ATP11C: variants seen among roughly 807,000 people sequenced by gnomAD.
The protein encoded by ATP11C is ATPase phospholipid transporting 11C (ATP11C blood group).
In ATP11C, 36 loss-of-function variants were observed where a neutral mutation model predicts 97.4. The ratio of observed to expected loss-of-function variants is 0.37; its 90% CI spans 0.28 to 0.49. The LOEUF is 0.49. Among genes scored for constraint, ATP11C ranks in the 20% least tolerant of loss-of-function variants. ATP11C has a pLI of 0.98. For missense variants in ATP11C, 730 were observed against 824.6 expected (o/e 0.89, Z 1.40); for synonymous variants, 275 against 290.9 (o/e 0.95, Z 0.56).
At chrX:139,735,926 T>C (rs746234078) in intron 28 of ATP11C, among the ~76,000 whole-genome samples, 1 of 111,825 alleles carries the variant, frequency 8.9e-6, no homozygotes, top group Admixed American at 9.5e-5. Context: ...AAATGTTTAT[T>C]GGTTCAACAA....
chrX:139,789,643 G>A (rs1327522152), intron 12 of ATP11C, among the ~76,000 whole-genome samples, 155 bp from the exon 13 acceptor site: 6 of 112,142 alleles, frequency 5.4e-5, no homozygotes, highest in African/African-American at 1.9e-4. Context: ...TATTACCAAA[G>A]AAATGAGGAA....
rs1277897736 is a variant in ATP11C at position 139,855,876 on chromosome X, C to G, written c.28-29053G>C. ...CCAGTGTCAACCAGGAGGCTTGCCC[C>G]CCGATGTAGACCTTTATATCGTAGT... On this transcript the variant is annotated intron_variant, in intron 1 of 29. Transcript: ENST00000682941. 4.5e-5 allele frequency among the ~76,000 whole-genome samples: 5 copies of G among 111,609 alleles called. No individual in the cohort carries two copies. The East Asian group carries it at 1.4e-3, about 32-fold the overall frequency.
chrX:139,832,175 T>G (rs775797749), intron 1 of ATP11C: 1 of 1,207,512 alleles, frequency 8.3e-7, no homozygotes, highest in East Asian at 3.0e-5. Flanking sequence ...GAGGGAGAGA[T>G]GGGACCATCT....
intron 28 of ATP11C, among the ~76,000 whole-genome samples, chrX:139,736,259 G>T (rs369235921): frequency 2.7e-5 from 3 of 111,886 alleles, no homozygotes; most frequent in East Asian, 5.6e-4. Flanking sequence ...GTCACCTCCA[G>T]CCAATGTCTA....
At chrX:139,799,784 T>G (rs1267998499) in intron 8 of ATP11C, among the ~76,000 whole-genome samples, 4 of 106,464 alleles carry the variant, frequency 3.8e-5, no homozygotes, top group Non-Finnish European at 5.8e-5. Context: ...TCCTGAGTAG[T>G]TGGGATTACA....
intron 19 of ATP11C, among the ~76,000 whole-genome samples, chrX:139,771,393 C>T (rs746165324): frequency 2.7e-5 from 3 of 111,363 alleles, no homozygotes; most frequent in East Asian, 2.8e-4. Flanking sequence ...AGCATGAAAA[C>T]GGACTAATAC....
At chrX:139,767,444 A>G (rs1299867544) in intron 20 of ATP11C, among the ~76,000 whole-genome samples, 1 of 111,776 alleles carries the variant, frequency 8.9e-6, no homozygotes, top group East Asian at 2.8e-4. Flanking sequence ...ATAGGGAGCA[A>G]GAGAAAAGTG....
chrX:139,847,932 G>A (rs2083934381), intron 1 of ATP11C, among the ~76,000 whole-genome samples: 1 of 110,613 alleles, frequency 9.0e-6, no homozygotes, highest in Non-Finnish European at 1.9e-5. Context: ...CCATACTCAT[G>A]GCATCATTCC....
At chrX:139,828,377 G>A (rs1325953519) in intron 1 of ATP11C, among the ~76,000 whole-genome samples, 1 of 111,853 alleles carries the variant, frequency 8.9e-6, no homozygotes, top group East Asian at 2.8e-4. Flanking sequence ...TACAGGTTCT[G>A]ACACAGCTTA....
At chrX:139,785,356 C>A in intron 15 of ATP11C, 57 bp from the exon 16 acceptor site, 2 of 858,458 alleles carry the variant, frequency 2.3e-6, no homozygotes, top group Non-Finnish European at 3.4e-6. Context: ...AAATAAAGCA[C>A]AACAGAAATA....
intron 19 of ATP11C, among the ~76,000 whole-genome samples, chrX:139,773,361 G>T (rs906249389): frequency 5.7e-4 from 63 of 111,169 alleles, no homozygotes; most frequent in African/African-American, 1.4e-3. Flanking sequence ...CCTCCATGAT[G>T]GGATTACTGC....
At chrX:139,935,552 CAA>C (rs2085512548), upstream of ATP11C, among the ~76,000 whole-genome samples, 2 of 110,912 alleles carry the variant, frequency 1.8e-5, no homozygotes, top group Non-Finnish European at 3.8e-5. Context: ...GCCTGGGTGA[CAA>C]GAGCAAAACT....
intron 18 of ATP11C, among the ~76,000 whole-genome samples, 194 bp downstream of exon 18, chrX:139,782,353 T>TA (rs1000926912): frequency 3.5e-4 from 38 of 108,604 alleles, no homozygotes; most frequent in Non-Finnish European, 7.1e-4. Context: ...ATTAAAAAAT[T>TA]AAAAAAAAAT....
intron 1 of ATP11C, among the ~76,000 whole-genome samples, chrX:139,917,096 T>A (rs1164962181): frequency 1.8e-5 from 2 of 111,657 alleles, no homozygotes; most frequent in Non-Finnish European, 3.8e-5. Flanking sequence ...CCAGGAAAAC[T>A]GGACATCAAC....
At chrX:139,860,243 G>C (rs1329556511) in intron 1 of ATP11C, among the ~76,000 whole-genome samples, 1 of 111,349 alleles carries the variant, frequency 9.0e-6, no homozygotes, top group African/African-American at 3.3e-5. Context: ...TATAGGTAGA[G>C]AGATGCAGCA....
At chrX:139,790,836 T>C (rs1011107455) in intron 12 of ATP11C, among the ~76,000 whole-genome samples, 34 of 111,836 alleles carry the variant, frequency 3.0e-4, no homozygotes, top group South Asian at 3.7e-4. Flanking sequence ...ATAACACAAG[T>C]ATATTTTCAT....
chrX:139,873,519 C>A (rs1275448470), intron 1 of ATP11C, among the ~76,000 whole-genome samples: 1 of 108,874 alleles, frequency 9.2e-6, no homozygotes, highest in Non-Finnish European at 1.9e-5. Flanking sequence ...ACCAGCCTGG[C>A]CAACATGGCA....
intron 1 of ATP11C, among the ~76,000 whole-genome samples, chrX:139,833,577 C>G (rs958242304): frequency 1.8e-5 from 2 of 110,189 alleles, no homozygotes; most frequent in African/African-American, 6.6e-5. Flanking sequence ...GTAGTCCTAC[C>G]TACTAGGGAA....
At chrX:139,886,868 A>G (rs1423242465) in intron 1 of ATP11C, among the ~76,000 whole-genome samples, 1 of 110,629 alleles carries the variant, frequency 9.0e-6, no homozygotes, top group African/African-American at 3.3e-5. Flanking sequence ...CCAAAATTAT[A>G]TGGAAAAAAT....
Sources: gnomAD v4.1 joint callset for allele counts (sites outside exome capture counted in the v4.1 genomes callset) on GRCh38, gnomAD v4.1.1 for gene constraint, MANE v1.5 for transcripts, NCBI Gene and HGNC (gene_info 2026-07-23, HGNC 2026-07-21) for gene names.